MUC5B: variants seen among roughly 807,000 people sequenced by gnomAD.
MUC5B encodes mucin-5B.
In MUC5B, 116 loss-of-function variants were observed where a neutral mutation model predicts 376.9. The ratio of observed to expected loss-of-function variants is 0.31; its 90% CI spans 0.26 to 0.36. MUC5B has a LOEUF of 0.36. Among genes scored for constraint, MUC5B ranks in the 10% least tolerant of loss-of-function variants. The probability of loss-of-function intolerance (pLI) is 1.00; values close to 1 mark genes in which losing one functional copy is unlikely to be tolerated. For synonymous variants in MUC5B, 3,517 were observed against 3,390.9 expected, an observed-to-expected ratio of 1.04 and a Z score of -1.29; for missense variants, 7,165 against 7,769.9, an observed-to-expected ratio of 0.92 and a Z score of 2.93.
intron 24 of MUC5B, 41 bp downstream of exon 24, chr11:1,236,603 C>G (rs778538568): frequency 8.2e-6 from 13 of 1,579,944 alleles, no homozygotes; most frequent in Admixed American, 3.4e-5. Flanking sequence ...GCAGGACCCT[C>G]TCACAGTGAC....
chr11:1,226,738 G>T lies in MUC5B; in HGVS notation c.323G>T (p.Arg108Leu). ...AACTACGTGTTCTCTGAGCACTGCC[G>T]CGCCGCCTACGAGGACTTCAACGTC... Reference protein sequence around the residue: ...LCNYVFSEHCRAAYEDFNVQL... With the variant: ...LCNYVFSEHCLAAYEDFNVQL... The change falls in exon 4 of 49, where the codon CGC becomes CTC. Residue 108 changes from arginine to leucine, a missense_variant. Coordinates refer to ENST00000529681, the MANE Select transcript of MUC5B (RefSeq NM_002458.3). 1 of 1,612,732 alleles carries T rather than the reference G, an allele frequency of 6.2e-7. No homozygotes were observed. The highest frequency in any genetic ancestry group is 8.5e-7 in the Non-Finnish European group (1 of 1,179,838).
Position 1,250,041 on chromosome 11 carries a change from G to C in MUC5B, c.13161G>C (p.Gly4387=). Residue 4387 remains glycine, a synonymous_variant, in exon 31 of 49, where the codon GGG becomes GGC. Coordinates refer to ENST00000529681, the MANE Select transcript of MUC5B (RefSeq NM_002458.3). Reference sequence around the variant, plus strand: ...CGTCCACCCCCTCCTCCACTCCGGGGACGACCTGGATCCTCACAGAGCTGA... The same window carrying C: ...CGTCCACCCCCTCCTCCACTCCGGGCACGACCTGGATCCTCACAGAGCTGA... ...SSTSTPSSTP[G]TTWILTELTT... 21 of 1,611,080 alleles carry C rather than the reference G, an allele frequency of 1.3e-5. No individual in the cohort carries two copies. The highest frequency in any genetic ancestry group is 1.8e-5 in the Non-Finnish European group (21 of 1,178,318).
At position 1,241,970 on chromosome 11, in the gene MUC5B, C is replaced by T. The variant is rs1437767177; in HGVS notation, c.5090C>T (p.Ser1697Leu). ...GCCACATCCACCCTTCCAACACGCT[C>T]AGCCCTTCCAGGGACGACGGGGAGC... The part of the protein sequence containing the change: ...GVATSTLPTR[S>L]ALPGTTGSLG... Residue 1697 changes from serine (S) to leucine (L), a missense_variant, in exon 31 of 49, where the codon TCA becomes TTA. By Grantham distance (145) the Ser-to-Leu change is moderately radical. Transcript: ENST00000529681. 1.2e-6 allele frequency: 2 copies of T among 1,600,238 alleles called. No individual in the cohort carries two copies. The highest frequency in any genetic ancestry group is 2.3e-5 in the East Asian group (1 of 43,936).
chr11:1,231,603 C>T (rs923249026), intron 14 of MUC5B, 43 bp downstream of exon 14: 26 of 1,532,150 alleles, frequency 1.7e-5, no homozygotes, highest in Non-Finnish European at 2.1e-5. Flanking sequence ...CCATTGGGGA[C>T]GGGGCCTGGA....
In MUC5B at chr11:1,250,776, C is replaced by T. The variant is rs760055181; in HGVS notation, c.13896C>T (p.Thr4632=). ...TTTPTTTTPT[T]SGSTVTPSSI... ...CACCCACAACCACCACACCCACAACCAGTGGCTCCACGGTGACCCCCTCCT... is the reference window on the plus strand; with the variant it reads ...CACCCACAACCACCACACCCACAACTAGTGGCTCCACGGTGACCCCCTCCT... Residue 4632 remains threonine (T), a synonymous_variant, in exon 31 of 49, where the codon ACC becomes ACT. Transcript: ENST00000529681. 64 of 1,613,058 alleles carry T rather than the reference C, an allele frequency of 4.0e-5. No individual in the cohort carries two copies. Among genetic ancestry groups the T allele is most frequent in the Non-Finnish European group, 4.6e-5 (54 of 1,179,518 alleles).
At chr11:1,229,957 C>A in intron 10 of MUC5B, 48 bp from the exon 11 acceptor site, 3 of 1,558,202 alleles carry the variant, frequency 1.9e-6, no homozygotes, top group South Asian at 1.2e-5. Context: ...GAGGGTGGGG[C>A]CCACCTCCTC....
chr11:1,224,545 T>TC (rs1861835869), intron 1 of MUC5B, among the ~76,000 whole-genome samples: 1 of 35,424 alleles, frequency 2.8e-5, no homozygotes, highest in Non-Finnish European at 5.4e-5. Context: ...GGAGGGGCTG[T>TC]AGGGCCAGGG....
At position 1,258,963 on chromosome 11, in the gene MUC5B, G is replaced by A. The variant is rs192744525; in HGVS notation, c.16615G>A (p.Ala5539Thr). The A allele has an allele frequency of 1.4e-4, 216 of 1,551,882 alleles. No individual in the cohort carries two copies. In the East Asian group the frequency reaches 3.4e-3, roughly 25 times the overall value. Residue 5539 changes from alanine to threonine, a missense_variant, in exon 44 of 49, where the codon GCC (alanine) becomes ACC (threonine). By Grantham distance (58) the Ala-to-Thr change is moderately conservative. This residue lies in a region of MUC5B where 842 missense variants were observed against 1,016.9 expected (regional missense o/e 0.83). Coordinates refer to ENST00000529681, the MANE Select transcript of MUC5B (RefSeq NM_002458.3). The surrounding 1 kb of genome is among the most constrained non-coding windows in gnomAD (Gnocchi z 5.5). ...GCAGGTTGGTGCAACCTTCCCAGGC[G>A]CCCTTCCCTGCCACATGTGTACCTG... ...FYGVGATFPG[A>T]LPCHMCTCLS...
chr11:1,240,433 C>T, intron 30 of MUC5B, 58 bp downstream of exon 30: 9 of 1,481,060 alleles, frequency 6.1e-6, no homozygotes, highest in Non-Finnish European at 8.3e-6. Flanking sequence ...AGGAGGACCC[C>T]CTGGGCTCTT....
rs1265776808 is a variant in MUC5B, at chr11:1,247,453, C to T, written c.10573C>T (p.Pro3525Ser). 1.2e-6 allele frequency: 2 copies of T among 1,609,546 alleles called. No individual in the cohort carries two copies. The highest frequency in any genetic ancestry group is 1.7e-6 in the Non-Finnish European group (2 of 1,178,802). Reference protein sequence around the residue: ...SSRTTESPPSPGTTTPGHTRG... With the variant: ...SSRTTESPPSSGTTTPGHTRG... ...CAGGACCACCGAGTCACCCCCTTCT[C>T]CAGGGACGACCACCCCGGGCCACAC... Residue 3525 changes from proline (P) to serine (S), a missense_variant, in exon 31 of 49, where the codon CCA becomes TCA. Around this residue, in one of 31 missense-constraint regions of MUC5B, gnomAD observed 939 missense variants for 770.6 expected, o/e 1.22. Coordinates refer to ENST00000529681, the MANE Select transcript of MUC5B (RefSeq NM_002458.3).
Position 1,241,761 on chromosome 11 carries a change from G to A in MUC5B, c.4881G>A (p.Leu1627=), listed in dbSNP as rs371094381. 5.6e-6 allele frequency: 9 copies of A among 1,612,114 alleles called. No homozygotes were observed. The Admixed American group carries it at 6.7e-5, about 12-fold the overall frequency. The change falls in exon 31 of 49, where the codon CTG becomes CTA. Residue 1627 remains leucine (L), a synonymous_variant. Coordinates refer to ENST00000529681, the MANE Select transcript of MUC5B (RefSeq NM_002458.3). ...CCACCACCACCACCACCCAGGCCCT[G>A]TTCTCAACGCCGCAGCCTACGAGTA... ...ETATTTTTQA[L]FSTPQPTSSP...
intron 27 of MUC5B, 56 bp downstream of exon 27, chr11:1,239,622 G>GT (rs1308065554): frequency 9.2e-6 from 14 of 1,526,280 alleles, no homozygotes; most frequent in Middle Eastern, 1.8e-4. Context: ...CCGAGTGTAC[G>GT]TGGGGGGGCG....
rs199853031 is a variant in MUC5B, at chr11:1,241,781, C to T, written c.4901C>T (p.Thr1634Met). The T allele has an allele frequency of 5.1e-5, 83 of 1,612,248 alleles. No homozygotes were observed. The highest frequency in any genetic ancestry group is 4.5e-4 in the African/African-American group (34 of 74,992). ...GCCCTGTTCTCAACGCCGCAGCCTA[C>T]GAGTAGCCCGGGGCTGACCAGGGCT... ...TQALFSTPQP[T>M]SSPGLTRAPP... Residue 1634 changes from threonine (T) to methionine (M), a missense_variant, in exon 31 of 49, where the codon ACG becomes ATG. Physicochemically the swap from Thr to Met is moderately conservative, Grantham distance 81 (BLOSUM62 -1). Coordinates refer to ENST00000529681, the MANE Select transcript of MUC5B (RefSeq NM_002458.3).
rs1564949179 is a variant in MUC5B, at chr11:1,250,773, A to C, written c.13893A>C (p.Thr4631=). 6.2e-7 allele frequency: 1 copy of C among 1,612,528 alleles called. No individual in the cohort carries two copies. The highest frequency in any genetic ancestry group is 8.5e-7 in the Non-Finnish European group (1 of 1,179,286). Residue 4631 remains threonine, a synonymous_variant, in exon 31 of 49, where the codon ACA becomes ACC. Coordinates refer to ENST00000529681, the MANE Select transcript of MUC5B (RefSeq NM_002458.3). ...TTTTPTTTTP[T]TSGSTVTPSS... ...CCACACCCACAACCACCACACCCACAACCAGTGGCTCCACGGTGACCCCCT... is the reference window on the plus strand; with the variant it reads ...CCACACCCACAACCACCACACCCACCACCAGTGGCTCCACGGTGACCCCCT...
intron 18 of MUC5B, 95 bp from the exon 19 acceptor site, chr11:1,233,698 G>C: frequency 1.6e-6 from 2 of 1,259,812 alleles, no homozygotes; most frequent in Non-Finnish European, 2.3e-6. Context: ...GGCCAGGCTG[G>C]GGAGGCCCAG....
chr11:1,224,145 C>T (rs939743715), intron 1 of MUC5B, among the ~76,000 whole-genome samples: 1 of 152,230 alleles, frequency 6.6e-6, no homozygotes, highest in Non-Finnish European at 1.5e-5. Context: ...GGCCATGCAG[C>T]CTTGGCTCCC....
Position 1,233,121 on chromosome 11 carries a change from C to T in MUC5B, c.2174C>T (p.Ser725Phe), listed in dbSNP as rs1265536847. The T allele has an allele frequency of 6.2e-7, 1 of 1,607,834 alleles. No homozygotes were observed. Among genetic ancestry groups the T allele is most frequent in the Non-Finnish European group, 8.5e-7 (1 of 1,179,484 alleles). The change falls in exon 18 of 49, where the codon TCC becomes TTC. Residue 725 changes from serine to phenylalanine, a missense_variant. Transcript: ENST00000529681. Reference protein sequence around the residue: ...LSEADVTCSVSFVPVDGCTCP... With the variant: ...LSEADVTCSVFFVPVDGCTCP... Reference sequence around the variant, plus strand: ...GAGGCCGACGTCACCTGCAGCGTTTCCTTCGTGCCTGTGGACGGCTGCACC... The same window carrying T: ...GAGGCCGACGTCACCTGCAGCGTTTTCTTCGTGCCTGTGGACGGCTGCACC...
At position 1,233,109 on chromosome 11, in the gene MUC5B, C is replaced by A. The variant is rs937950850; in HGVS notation, c.2162C>A (p.Thr721Asn). 1.9e-6 allele frequency: 3 copies of A among 1,608,096 alleles called. No individual in the cohort carries two copies. Among genetic ancestry groups the A allele is most frequent in the Non-Finnish European group, 2.5e-6 (3 of 1,179,486 alleles). Residue 721 changes from threonine (T) to asparagine (N), a missense_variant, in exon 18 of 49, where the codon ACC becomes AAC. Thr to Asn is a moderately conservative substitution (Grantham distance 65). Around this residue, in one of 31 missense-constraint regions of MUC5B, gnomAD observed 530 missense variants for 604.0 expected, o/e 0.88. Coordinates refer to ENST00000529681, the MANE Select transcript of MUC5B (RefSeq NM_002458.3). ...TCRGLSEADV[T>N]CSVSFVPVDG... Reference sequence around the variant, plus strand: ...CGCGGCCTGAGTGAGGCCGACGTCACCTGCAGCGTTTCCTTCGTGCCTGTG... The same window carrying A: ...CGCGGCCTGAGTGAGGCCGACGTCAACTGCAGCGTTTCCTTCGTGCCTGTG...
In MUC5B at chr11:1,241,298, G is replaced by GCATCCGGTCGACGGCGGCCCT. The variant is rs767285302; in HGVS notation, c.4421_4441dup (p.Ile1474_Leu1480dup). 2.5e-6 allele frequency: 4 copies of GCATCCGGTCGACGGCGGCCCT among 1,602,384 alleles called. No homozygotes were observed. The highest frequency in any genetic ancestry group is 3.4e-6 in the Non-Finnish European group (4 of 1,174,488). On this transcript the variant is annotated inframe_insertion, in exon 31 of 49. Transcript: ENST00000529681. ...AAGACCACCCTATGGGTGACCCCGA[G>GCATCCGGTCGACGGCGGCCCT]CATCCGGTCGACGGCGGCCCTCACC...
Sources: allele counts gnomAD v4.1 joint callset (sites outside exome capture counted in the v4.1 genomes callset), GRCh38; gene constraint gnomAD v4.1.1; regional missense constraint gnomAD v4.1.1; non-coding constraint Gnocchi (gnomAD v3.1); transcripts MANE v1.5; gene names NCBI Gene and HGNC (gene_info 2026-07-23, HGNC 2026-07-21).